CEP57L1: variants seen among roughly 807,000 people sequenced by gnomAD.
CEP57L1 encodes the protein centrosomal protein 57 like 1.
Under a neutral mutation model 61.0 loss-of-function variants are expected in CEP57L1, and 37 were observed. The observed-to-expected ratio is 0.61, with a 90% CI of 0.47 to 0.80. The LOEUF (loss-of-function observed/expected upper bound fraction) is 0.80, where lower values mean the gene tolerates loss of function less well. CEP57L1 is among the 30% of genes least tolerant of loss of function. The pLI, the probability that CEP57L1 is intolerant of heterozygous loss-of-function variation, is 0.00. For missense variants in CEP57L1, 422 were observed against 524.7 expected (o/e 0.80, Z 1.91); for synonymous variants, 137 against 162.3 (o/e 0.84, Z 1.19).
In CEP57L1 at chr6:109,166,935, G is replaced by T. The variant is rs1028819964; in HGVS notation, c.*3965G>T. On this transcript the variant is annotated 3_prime_UTR_variant, in exon 11 of 11. Transcript: ENST00000517392. ...CTGAGAACATTTAATTGTAGGTGAC[G>T]TGTAGATAAGTATAAGCTGACACTC... Among the ~76,000 whole-genome samples, 1 of 152,124 alleles carries T rather than the reference G, an allele frequency of 6.6e-6. No individual in the cohort carries two copies. Among genetic ancestry groups the T allele is most frequent in the Admixed American group, 6.5e-5 (1 of 15,282 alleles).
intron 3 of CEP57L1, among the ~76,000 whole-genome samples, chr6:109,148,520 G>T (rs955059350): frequency 4.6e-5 from 7 of 152,110 alleles, no homozygotes; most frequent in Admixed American, 1.3e-4. Context: ...GTCTATCATT[G>T]TTGGACATTT....
At chr6:109,148,740 G>A (rs1772252284) in intron 3 of CEP57L1, among the ~76,000 whole-genome samples, 1 of 152,150 alleles carries the variant, frequency 6.6e-6, no homozygotes, top group Admixed American at 6.6e-5. Flanking sequence ...CACCAACAAT[G>A]TAAAAGTGTT....
Position 109,170,360 on chromosome 6 carries a change from A to C in CEP57L1, c.*7390A>C, listed in dbSNP as rs554420075. ...TGACTTGGCTTAATGTAGTTAAGTA[A>C]ATTTTAGGATAGGTTCTAAAAAACC... On this transcript the variant is annotated 3_prime_UTR_variant, in exon 11 of 11. Coordinates refer to ENST00000517392, the MANE Select transcript of CEP57L1 (RefSeq NM_001271852.3). Among the ~76,000 whole-genome samples the C allele has an allele frequency of 1.3e-5, 2 of 152,282 alleles. No homozygotes were observed. Among genetic ancestry groups the C allele is most frequent in the South Asian group, 4.1e-4 (2 of 4,828 alleles).
intron 1 of CEP57L1, chr6:109,140,714 T>G (rs1771274217): frequency 6.6e-6 from 1 of 151,982 alleles, no homozygotes; most frequent in African/African-American, 2.4e-5. Flanking sequence ...TGTATTAATT[T>G]TAACAGAGCT....
chr6:109,153,537 C>T (rs539424154), intron 4 of CEP57L1, among the ~76,000 whole-genome samples: 3 of 151,570 alleles, frequency 2.0e-5, no homozygotes, highest in South Asian at 2.1e-4. Context: ...TGAGCCACCA[C>T]GCCTGGCCTT....
intron 3 of CEP57L1, among the ~76,000 whole-genome samples, chr6:109,149,429 A>G (rs1772333411): frequency 6.6e-6 from 1 of 152,196 alleles, no homozygotes; most frequent in African/African-American, 2.4e-5. Flanking sequence ...AGATGGTTGT[A>G]GATATGCGGC....
chr6:109,172,616 T>C lies in CEP57L1; in HGVS notation c.*9646T>C, dbSNP rs1172560944. On this transcript the variant is annotated 3_prime_UTR_variant, in exon 11 of 11. Transcript: ENST00000517392. ...TTTTTGTTTTCTGACCCAAAAGTGA[T>C]GTGCATTGCTTACCTATCATGGCCT... Among the ~76,000 whole-genome samples the C allele has an allele frequency of 6.6e-6, 1 of 152,214 alleles. No homozygotes were observed. The highest frequency in any genetic ancestry group is 1.5e-5 in the Non-Finnish European group (1 of 68,032).
intron 1 of CEP57L1, among the ~76,000 whole-genome samples, chr6:109,097,855 C>T (rs1420426624): frequency 6.6e-6 from 1 of 152,150 alleles, no homozygotes; most frequent in East Asian, 1.9e-4. Context: ...CATGTAGATG[C>T]CTGGGCAAAT....
In CEP57L1 at chr6:109,168,590, A is replaced by ATTTTT. The variant is rs72093696; in HGVS notation, c.*5638_*5642dup. On this transcript the variant is annotated 3_prime_UTR_variant, in exon 11 of 11. Coordinates refer to ENST00000517392, the MANE Select transcript of CEP57L1 (RefSeq NM_001271852.3). ...ATCAATTTAGCGGGTCACTACCAGC[A>ATTTTT]TTTTTTTTTTTTTTTTTTTTTTGAG... 8.9e-6 allele frequency among the ~76,000 whole-genome samples: 1 copy of ATTTTT among 112,060 alleles called. No individual in the cohort carries two copies. The highest frequency in any genetic ancestry group is 3.5e-5 in the African/African-American group (1 of 28,984). The allele number at this position is 112,060 out of a possible 152,430, so 73.5% of individuals were successfully genotyped here.
chr6:109,173,408 C>T lies in CEP57L1; in HGVS notation c.*10438C>T, dbSNP rs150367197. 3.1e-3 allele frequency among the ~76,000 whole-genome samples: 463 copies of T among 149,974 alleles called. 2 individuals carry two copies. Among genetic ancestry groups the T allele is most frequent in the Non-Finnish European group, 5.0e-3 (336 of 67,582 alleles). ...AATCTTTCCTTTCCTTCCCCCTCAGCCCGCCCCCTACCTTTCTTTTTTTTT... is the reference window on the plus strand; with the variant it reads ...AATCTTTCCTTTCCTTCCCCCTCAGTCCGCCCCCTACCTTTCTTTTTTTTT... On this transcript the variant is annotated 3_prime_UTR_variant, in exon 11 of 11. Transcript: ENST00000517392.
At chr6:109,100,377 G>A (rs1411659902) in intron 1 of CEP57L1, 3 of 151,718 alleles carry the variant, frequency 2.0e-5, no homozygotes, top group African/African-American at 4.8e-5. Flanking sequence ...TAGAAAGTTC[G>A]TCCTAAAAAA....
intron 1 of CEP57L1, among the ~76,000 whole-genome samples, chr6:109,104,574 T>A (rs1395184947): frequency 6.6e-6 from 1 of 151,952 alleles, no homozygotes; most frequent in African/African-American, 2.4e-5. Flanking sequence ...TTTTTGTTTG[T>A]TTTTTGTTTG....
Position 109,146,752 on chromosome 6 carries a change from C to A in CEP57L1, c.161-6C>A. The A allele has an allele frequency of 6.5e-7, 1 of 1,533,812 alleles. No individual in the cohort carries two copies. The highest frequency in any genetic ancestry group is 1.3e-5 in the South Asian group (1 of 79,412). The stretch of plus-strand genomic sequence containing the variant: ...TTAAAATATCAACAAAATTTTTTTT[C>A]AACAGCTCTTATTTTAGCCTTAAAA... On this transcript the variant is annotated splice_region_variant and splice_polypyrimidine_tract_variant and intron_variant, in intron 2 of 10. Transcript: ENST00000517392.
In CEP57L1 at chr6:109,167,444, A is replaced by C. The variant is rs956537188; in HGVS notation, c.*4474A>C. Among the ~76,000 whole-genome samples the C allele has an allele frequency of 6.6e-6, 1 of 152,058 alleles. No individual in the cohort carries two copies. The highest frequency in any genetic ancestry group is 2.4e-5 in the African/African-American group (1 of 41,398). ...ACGCCTGTAATCCCAGCACTGTGAG[A>C]GGCCGAGGCAGGCGGATCACCTAAG... On this transcript the variant is annotated 3_prime_UTR_variant, in exon 11 of 11. Transcript: ENST00000517392.
intron 1 of CEP57L1, among the ~76,000 whole-genome samples, chr6:109,125,422 G>GA (rs1367030943): frequency 4.1e-5 from 6 of 146,232 alleles, no homozygotes; most frequent in Admixed American, 6.8e-5. Flanking sequence ...TCAACCTGTG[G>GA]AAAAAAAAAT....
At chr6:109,158,746 T>C in intron 7 of CEP57L1, 1 of 518,630 alleles carries the variant, frequency 1.9e-6, no homozygotes, top group South Asian at 1.7e-5. Context: ...CTCTGTGTGC[T>C]TGCCAACATT....
In CEP57L1 at chr6:109,165,335, T is replaced by C. The variant is rs1335616758; in HGVS notation, c.*2365T>C. ...ATACTAATTTGTTGTGAGGAGTTAA[T>C]GAAATAACATGGGAAAGCACCCAGC... On this transcript the variant is annotated 3_prime_UTR_variant, in exon 11 of 11. Coordinates refer to ENST00000517392, the MANE Select transcript of CEP57L1 (RefSeq NM_001271852.3). Among the ~76,000 whole-genome samples the C allele has an allele frequency of 6.6e-6, 1 of 150,524 alleles. No individual in the cohort carries two copies. The highest frequency in any genetic ancestry group is 2.0e-4 in the East Asian group (1 of 5,104).
Position 109,172,458 on chromosome 6 carries a change from C to T in CEP57L1, c.*9488C>T, listed in dbSNP as rs1774447424. 6.6e-6 allele frequency among the ~76,000 whole-genome samples: 1 copy of T among 152,214 alleles called. No homozygotes were observed. The highest frequency in any genetic ancestry group is 1.5e-5 in the Non-Finnish European group (1 of 68,042). ...CCTAAGGCCCCCAAGTAAATTAAAA[C>T]ATTCATATCAGGCAGGATAGTCCAA... is the stretch of plus-strand genomic sequence containing the variant. On this transcript the variant is annotated 3_prime_UTR_variant, in exon 11 of 11. Coordinates refer to ENST00000517392, the MANE Select transcript of CEP57L1 (RefSeq NM_001271852.3).
chr6:109,110,323 G>C (rs1771448933), intron 1 of CEP57L1, among the ~76,000 whole-genome samples: 1 of 152,106 alleles, frequency 6.6e-6, no homozygotes, highest in Non-Finnish European at 1.5e-5. Context: ...ATGTTTGTTG[G>C]CTGCATAAAT....
Sources: allele counts gnomAD v4.1 joint callset (sites outside exome capture counted in the v4.1 genomes callset), GRCh38; gene constraint gnomAD v4.1.1; transcripts MANE v1.5; gene names NCBI Gene and HGNC (gene_info 2026-07-23, HGNC 2026-07-21).